The following RELN variants were observed in gnomAD, a reference collection of about 807,000 sequenced individuals.
RELN encodes the protein reelin.
RELN carries 108 observed loss-of-function variants against 427.6 expected under a neutral mutation model. That is an observed-to-expected ratio of 0.25 (90% CI 0.22 to 0.30). The LOEUF (loss-of-function observed/expected upper bound fraction) is 0.30, where lower values mean the gene tolerates loss of function less well. Among genes scored for constraint, RELN ranks in the 10% least tolerant of loss-of-function variants. RELN has a pLI of 1.00. For synonymous variants in RELN, 1,524 were observed against 1,513.4 expected, an observed-to-expected ratio of 1.01 and a Z score of -0.16; for missense variants, 3,715 against 4,302.8, an observed-to-expected ratio of 0.86 and a Z score of 3.82.
rs907200222 is a variant in RELN, at chr7:103,824,097, A to G, written c.473+9440T>C. On this transcript the variant is annotated intron_variant, in intron 3 of 64. Transcript: ENST00000428762. This position sits in a 1 kb window ranked among gnomAD's most constrained non-coding sequence, Gnocchi z 4.4. ...TCTGTCGTTGATATACTGAAGGCTT[A>G]TCACGACCTTTATCAGTACTAATTT... 6.6e-6 allele frequency among the ~76,000 whole-genome samples: 1 copy of G among 152,084 alleles called. No individual in the cohort carries two copies. The highest frequency in any genetic ancestry group is 1.5e-5 in the Non-Finnish European group (1 of 67,996).
At chr7:103,803,335 T>A (rs1239631860) in intron 3 of RELN, among the ~76,000 whole-genome samples, 1 of 152,140 alleles carries the variant, frequency 6.6e-6, no homozygotes, top group Non-Finnish European at 1.5e-5. Flanking sequence ...TTTAAATACA[T>A]CTTAACTCTT....
chr7:103,978,397 G>A (rs1410438631), intron 1 of RELN, among the ~76,000 whole-genome samples: 1 of 152,152 alleles, frequency 6.6e-6, no homozygotes, highest in Non-Finnish European at 1.5e-5. Flanking sequence ...CAAATGAAAA[G>A]TTTCCTTCTT....
At chr7:103,515,576 T>C in intron 49 of RELN, 135 bp from the exon 50 acceptor site, 10 of 1,139,750 alleles carry the variant, frequency 8.8e-6, no homozygotes, top group Non-Finnish European at 1.2e-5. Context: ...CTAAAATAAT[T>C]TTCAAAAACC....
chr7:103,523,250 G>T, intron 47 of RELN, 141 bp downstream of exon 47: 1 of 902,632 alleles, frequency 1.1e-6, no homozygotes. Flanking sequence ...CAACTTCACA[G>T]TTAGCTCAAG....
intron 3 of RELN, among the ~76,000 whole-genome samples, chr7:103,800,686 T>C (rs1008583949): frequency 1.9e-4 from 29 of 152,266 alleles, no homozygotes; most frequent in African/African-American, 6.7e-4. Flanking sequence ...ACTTCATGTC[T>C]AAAACACCAA....
chr7:103,541,844 T>C (rs1830183594), intron 43 of RELN, among the ~76,000 whole-genome samples: 2 of 152,210 alleles, frequency 1.3e-5, no homozygotes, highest in Admixed American at 6.5e-5. Flanking sequence ...TGATAAAATA[T>C]TGTTTTTATA....
chr7:103,655,101 C>T (rs1233208210), intron 12 of RELN, among the ~76,000 whole-genome samples: 1 of 151,990 alleles, frequency 6.6e-6, no homozygotes, highest in Admixed American at 6.6e-5. Context: ...CATGAGCCAC[C>T]ACGCCTAGTC....
At chr7:103,576,479 C>T (rs1220970482) in intron 28 of RELN, among the ~76,000 whole-genome samples, 1 of 152,142 alleles carries the variant, frequency 6.6e-6, no homozygotes, top group Non-Finnish European at 1.5e-5. Flanking sequence ...TATTTTCTCA[C>T]CTTCTGCTCT....
At chr7:103,598,269 G>A (rs568632647) in intron 24 of RELN, among the ~76,000 whole-genome samples, 1 of 152,302 alleles carries the variant, frequency 6.6e-6, no homozygotes, top group African/African-American at 2.4e-5. Flanking sequence ...TCAATTTTAG[G>A]TATGTATTTG....
At chr7:103,681,711 T>A (rs967477437) in intron 11 of RELN, among the ~76,000 whole-genome samples, 1 of 152,052 alleles carries the variant, frequency 6.6e-6, no homozygotes, top group Admixed American at 6.6e-5. Flanking sequence ...TTTTTATAGA[T>A]CAAAGCCACA....
At chr7:103,473,005 C>T (rs1827908818) in intron 64 of RELN, 97 bp from the exon 65 acceptor site, 5 of 1,032,030 alleles carry the variant, frequency 4.8e-6, no homozygotes, top group Non-Finnish European at 7.7e-6. Flanking sequence ...TCCTAAGTTA[C>T]TCTGATATTT....
At position 103,665,280 on chromosome 7, in the gene RELN, C is replaced by T. The variant is rs1833236263; in HGVS notation, c.1290-3753G>A. 2.0e-5 allele frequency among the ~76,000 whole-genome samples: 3 copies of T among 151,694 alleles called. No individual in the cohort carries two copies. The South Asian group carries it at 6.3e-4, about 32-fold the overall frequency. On this transcript the variant is annotated intron_variant, in intron 11 of 64. Transcript: ENST00000428762. ...ACAATTAACTTGCCTCTCTTTTTTCCTCCATTAGTCTATATGTCCATCTCC... is the reference window on the plus strand; with the variant it reads ...ACAATTAACTTGCCTCTCTTTTTTCTTCCATTAGTCTATATGTCCATCTCC...
chr7:103,742,445 G>A (rs1284535978), intron 6 of RELN, among the ~76,000 whole-genome samples: 1 of 152,130 alleles, frequency 6.6e-6, no homozygotes. Flanking sequence ...ACAGAAGAAG[G>A]CTTCAGACGA....
chr7:103,639,938 T>C (rs1302190278), intron 17 of RELN, among the ~76,000 whole-genome samples: 1 of 152,228 alleles, frequency 6.6e-6, no homozygotes, highest in Non-Finnish European at 1.5e-5. Context: ...CATTTTTTGG[T>C]ATAAACATAA....
intron 33 of RELN, among the ~76,000 whole-genome samples, chr7:103,565,803 G>A (rs1029220708): frequency 1.3e-5 from 2 of 152,112 alleles, no homozygotes; most frequent in African/African-American, 4.8e-5. Flanking sequence ...TTAAAATATT[G>A]ATATATTACA....
chr7:103,748,282 G>C (rs1243293727), intron 6 of RELN, among the ~76,000 whole-genome samples: 1 of 151,748 alleles, frequency 6.6e-6, no homozygotes, highest in Admixed American at 6.6e-5. Context: ...AGACTTTCTG[G>C]CTAGCCTGAT....
At chr7:103,952,032 A>T (rs1172506722) in intron 1 of RELN, among the ~76,000 whole-genome samples, 2 of 152,248 alleles carry the variant, frequency 1.3e-5, no homozygotes, top group Non-Finnish European at 2.9e-5. Flanking sequence ...ACTGATATTC[A>T]GATATTCAGT....
intron 46 of RELN, among the ~76,000 whole-genome samples, chr7:103,528,590 A>G (rs1442612745): frequency 2.0e-5 from 3 of 151,862 alleles, no homozygotes; most frequent in African/African-American, 7.3e-5. Context: ...GTGCAATGGC[A>G]TGATCTCAGC....
At chr7:103,490,050 C>T (rs866575400) in intron 59 of RELN, 151 bp from the exon 60 acceptor site, 2 of 870,474 alleles carry the variant, frequency 2.3e-6, no homozygotes, top group Non-Finnish European at 3.7e-6. Context: ...GGTGAGAGAA[C>T]TTGTATTTCT....
Sources: allele counts gnomAD v4.1 joint callset (sites outside exome capture counted in the v4.1 genomes callset), GRCh38; gene constraint gnomAD v4.1.1; non-coding constraint Gnocchi (gnomAD v3.1); transcripts MANE v1.5; gene names NCBI Gene and HGNC (gene_info 2026-07-23, HGNC 2026-07-21).